Variants in PRKAG1 observed in about 807,000 individuals in gnomAD.
PRKAG1 encodes the protein 5'-AMP-activated protein kinase subunit gamma-1.
Under a neutral mutation model 48.2 loss-of-function variants are expected in PRKAG1, and 27 were observed. The ratio of observed to expected loss-of-function variants is 0.56; its 90% CI spans 0.41 to 0.77. The LOEUF (loss-of-function observed/expected upper bound fraction) is 0.77. PRKAG1 is among the 30% of genes least tolerant of loss of function. The pLI, the probability that PRKAG1 is intolerant of heterozygous loss-of-function variation, is 0.00. For synonymous variants in PRKAG1, 130 were observed against 147.7 expected (o/e 0.88, Z 0.87); for missense variants, 287 against 398.3 (o/e 0.72, Z 2.38).
At chr12:49,014,629 C>T (rs1296626591) in intron 1 of PRKAG1, among the ~76,000 whole-genome samples, 1 of 152,202 alleles carries the variant, frequency 6.6e-6, no homozygotes, top group Non-Finnish European at 1.5e-5. Flanking sequence ...ACCTGAATGA[C>T]TGAGAGGTGG....
At position 49,005,861 on chromosome 12, in the gene PRKAG1, G is replaced by A; in HGVS notation, c.59-9C>T. The A allele has an allele frequency of 6.4e-7, 1 of 1,556,382 alleles. No homozygotes were observed. Among genetic ancestry groups the A allele is most frequent in the Non-Finnish European group, 8.7e-7 (1 of 1,150,072 alleles). ...GTTGGATTCTGGGGTCTCTGCATAG[G>A]GTGGGATAGTTAGTAGCTTCCTTCC... is the stretch of plus-strand genomic sequence containing the variant. On this transcript the variant is annotated splice_polypyrimidine_tract_variant and intron_variant, in intron 2 of 11. Transcript: ENST00000548065. The surrounding 1 kb of genome is among the most constrained non-coding windows in gnomAD (Gnocchi z 4.1).
chr12:49,004,259 G>T, intron 8 of PRKAG1: 3 of 545,254 alleles, frequency 5.5e-6, no homozygotes, highest in Non-Finnish European at 9.4e-6. Flanking sequence ...GCCTCTGCAC[G>T]CCAGCCTGGG....
At chr12:49,018,357 C>A (rs1347992919) in intron 1 of PRKAG1, 2 of 834,602 alleles carry the variant, frequency 2.4e-6, no homozygotes, top group Non-Finnish European at 3.1e-6. Flanking sequence ...TCCCTCTGGA[C>A]GCCCCGTGCC....
chr12:49,003,849 A>G lies in PRKAG1; in HGVS notation c.611T>C (p.Ile204Thr). The change falls in exon 9 of 12, where the codon ATT becomes ACT. Residue 204 changes from isoleucine to threonine, a missense_variant. Ile to Thr is a moderately conservative substitution (Grantham distance 89). This residue lies in a region of PRKAG1 where 224 missense variants were observed against 344.3 expected (regional missense o/e 0.65). Coordinates refer to ENST00000548065, the MANE Select transcript of PRKAG1 (RefSeq NM_002733.5). ...GGGGGTGGTAGTGCGAACCATAGCAATATTGGCATAGGTGCCAATCTGTAG... is the reference window on the plus strand; with the variant it reads ...GGGGGTGGTAGTGCGAACCATAGCAGTATTGGCATAGGTGCCAATCTGTAG... ...EELQIGTYANIAMVRTTTPVY... is the reference protein window; with the variant it reads ...EELQIGTYANTAMVRTTTPVY... The G allele has an allele frequency of 1.2e-6, 2 of 1,614,140 alleles. No individual in the cohort carries two copies. The highest frequency in any genetic ancestry group is 1.7e-6 in the Non-Finnish European group (2 of 1,180,002).
intron 2 of PRKAG1, among the ~76,000 whole-genome samples, chr12:49,008,185 T>C: frequency 6.6e-6 from 1 of 152,164 alleles, no homozygotes; most frequent in Non-Finnish European, 1.5e-5. Flanking sequence ...TGACTGAATA[T>C]TTATTATTCA....
chr12:49,011,254 C>A (rs1295789573), intron 2 of PRKAG1, among the ~76,000 whole-genome samples: 2 of 152,224 alleles, frequency 1.3e-5, no homozygotes, highest in African/African-American at 4.8e-5. Context: ...ACATACACTA[C>A]ATTGATAGTT....
intron 1 of PRKAG1, among the ~76,000 whole-genome samples, chr12:49,013,789 T>C (rs1242379414): frequency 1.3e-5 from 2 of 152,198 alleles, no homozygotes; most frequent in Non-Finnish European, 2.9e-5. Context: ...AAAAAACAAA[T>C]TTTTAAAAAA....
intron 11 of PRKAG1, 28 bp from the exon 12 acceptor site, chr12:49,003,034 G>A (rs1489564951): frequency 1.9e-6 from 3 of 1,613,234 alleles, no homozygotes; most frequent in Admixed American, 1.7e-5. Context: ...GGGAGAAAGG[G>A]AATGTTTAGT....
chr12:49,017,357 C>G (rs904239939), intron 1 of PRKAG1: 14 of 341,946 alleles, frequency 4.1e-5, no homozygotes, highest in Non-Finnish European at 1.1e-5. Flanking sequence ...CACACCACCA[C>G]CACCACGCCT....
At chr12:49,015,910 A>T (rs564523140) in intron 1 of PRKAG1, among the ~76,000 whole-genome samples, 39 of 149,422 alleles carry the variant, frequency 2.6e-4, no homozygotes, top group African/African-American at 8.4e-4. Context: ...TCACCATATC[A>T]GAGGGGGGAT....
intron 1 of PRKAG1, 107 bp from the exon 2 acceptor site, chr12:49,013,217 T>A (rs1941829344): frequency 1.3e-5 from 13 of 1,033,972 alleles, no homozygotes; most frequent in Non-Finnish European, 1.8e-5. Flanking sequence ...TTTAAAGCAC[T>A]ATAAAGCCAC....
chr12:49,003,513 C>G (rs748660295), intron 10 of PRKAG1, 45 bp downstream of exon 10: 12 of 1,592,304 alleles, frequency 7.5e-6, no homozygotes, highest in Non-Finnish European at 8.6e-6. Flanking sequence ...ACAGTGCCCC[C>G]CCCCCACCAC....
chr12:49,003,971 T>C lies in PRKAG1; in HGVS notation c.538-49A>G, dbSNP rs778558837. The stretch of plus-strand genomic sequence containing the variant: ...ACTTTCAAGGCACCCAAAGCCACCC[T>C]TGGATACCCCCTCCAACCCAGTATA... On this transcript the variant is annotated intron_variant, in intron 8 of 11. Coordinates refer to ENST00000548065, the MANE Select transcript of PRKAG1 (RefSeq NM_002733.5). 2.6e-6 allele frequency: 4 copies of C among 1,549,386 alleles called. No homozygotes were observed. The South Asian group carries it at 3.7e-5, about 15-fold the overall frequency.
At chr12:49,009,747 G>C (rs909842304) in intron 2 of PRKAG1, among the ~76,000 whole-genome samples, 6 of 151,960 alleles carry the variant, frequency 3.9e-5, no homozygotes, top group Non-Finnish European at 5.9e-5. Flanking sequence ...CGAGTATCTG[G>C]GATTACAGGT....
chr12:49,005,892 A>C lies in PRKAG1; in HGVS notation c.59-40T>G. On this transcript the variant is annotated intron_variant, in intron 2 of 11. Transcript: ENST00000548065. This position sits in a 1 kb window ranked among gnomAD's most constrained non-coding sequence, Gnocchi z 4.1. Reference sequence around the variant, plus strand: ...ATAGTTAGTAGCTTCCTTCCACATAAAAACTCCCAATCAAAAGAGACAGAA... The same window carrying C: ...ATAGTTAGTAGCTTCCTTCCACATACAAACTCCCAATCAAAAGAGACAGAA... The C allele has an allele frequency of 7.0e-7, 1 of 1,418,610 alleles. No individual in the cohort carries two copies. Among genetic ancestry groups the C allele is most frequent in the South Asian group, 1.3e-5 (1 of 75,302 alleles). The allele number at this position is 1,418,610 out of a possible 1,614,324, so 87.9% of individuals were successfully genotyped here. A position where few individuals can be genotyped will look rare whatever the true frequency, so the allele number is the denominator to read the frequency against.
intron 7 of PRKAG1, 35 bp downstream of exon 7, chr12:49,004,929 T>C (rs774375667): frequency 1.9e-6 from 3 of 1,597,664 alleles, no homozygotes; most frequent in South Asian, 1.1e-5. Context: ...CAAAATCTCT[T>C]CCGCTTTTTG....
At chr12:49,013,682 A>G (rs1199785325) in intron 1 of PRKAG1, among the ~76,000 whole-genome samples, 2 of 152,206 alleles carry the variant, frequency 1.3e-5, no homozygotes, top group Non-Finnish European at 2.9e-5. Flanking sequence ...CACATGGCTG[A>G]TAAGGGGTGG....
chr12:49,005,618 C>A lies in PRKAG1; in HGVS notation c.169-75G>T. The A allele has an allele frequency of 6.2e-7, 1 of 1,613,106 alleles. No homozygotes were observed. The highest frequency in any genetic ancestry group is 8.5e-7 in the Non-Finnish European group (1 of 1,179,618). On this transcript the variant is annotated intron_variant, in intron 3 of 11. Coordinates refer to ENST00000548065, the MANE Select transcript of PRKAG1 (RefSeq NM_002733.5). The surrounding 1 kb of genome is among the most constrained non-coding windows in gnomAD (Gnocchi z 4.1). Reference sequence around the variant, plus strand: ...CTGTAAAAAAAGAACAGTGTTTGGGCATGTTGGGTAAAACATGAGACTAAC... The same window carrying A: ...CTGTAAAAAAAGAACAGTGTTTGGGAATGTTGGGTAAAACATGAGACTAAC...
At chr12:49,003,078 C>G in intron 11 of PRKAG1, 66 bp downstream of exon 11, 1 of 1,613,288 alleles carries the variant, frequency 6.2e-7, no homozygotes, top group Admixed American at 1.7e-5. Context: ...TGCCCCTACT[C>G]TCCTTGCCAA....
Sources: gnomAD v4.1 joint callset for allele counts (sites outside exome capture counted in the v4.1 genomes callset) on GRCh38, gnomAD v4.1.1 for gene constraint, gnomAD v4.1.1 regional missense constraint, Gnocchi (gnomAD v3.1) non-coding constraint, MANE v1.5 for transcripts, NCBI Gene and HGNC (gene_info 2026-07-23, HGNC 2026-07-21) for gene names.